DOCK6: variants seen among roughly 807,000 people sequenced by gnomAD.
DOCK6 encodes the protein dedicator of cytokinesis 6.
DOCK6 carries 167 observed loss-of-function variants against 230.3 expected under a neutral mutation model. The ratio of observed to expected loss-of-function variants is 0.73; its 90% confidence interval spans 0.64 to 0.82. DOCK6 has a LOEUF of 0.82. Among genes scored for constraint, DOCK6 ranks in the 40% least tolerant of loss-of-function variants. The pLI is 0.00. For synonymous variants in DOCK6, 1,148 were observed against 1,185.0 expected (o/e 0.97, Z 0.64); for missense variants, 2,598 against 2,825.8 (o/e 0.92, Z 1.83).
Position 11,201,173 on chromosome 19 carries a change from C to T in DOCK6, c.5689-121G>A. On this transcript the variant is annotated intron_variant, in intron 44 of 47. Transcript: ENST00000294618. This position sits in a 1 kb window ranked among gnomAD's most constrained non-coding sequence, Gnocchi z 4.3. The stretch of plus-strand genomic sequence containing the variant: ...GGGGTCCAAGAACCCAGGCAATGAA[C>T]AGAATCTGGGGGCCTTCCTGGGTCT... 7.7e-7 allele frequency: 1 copy of T among 1,303,248 alleles called. No homozygotes were observed. The highest frequency in any genetic ancestry group is 1.1e-6 in the Non-Finnish European group (1 of 945,424). 80.7% of individuals were successfully genotyped at this position (1,303,248 alleles called of 1,614,324 possible).
chr19:11,252,529 C>A lies in DOCK6; in HGVS notation c.330G>T (p.Arg110Ser), dbSNP rs1256640919. Residue 110 changes from arginine to serine, a missense_variant, in exon 4 of 48, where the codon AGG (arginine) becomes AGT (serine). Transcript: ENST00000294618. ...CCTCAATATACATCTCCACCGCGGC[C>A]CTCACCTGGGCATCCAGTTTTCTGC... ...PKDEKLDAQV[R>S]AAVEMYIEDW... The A allele has an allele frequency of 6.2e-7, 1 of 1,613,770 alleles. No homozygotes were observed. Among genetic ancestry groups the A allele is most frequent in the Non-Finnish European group, 8.5e-7 (1 of 1,179,914 alleles).
At chr19:11,244,991 T>C (rs995499837) in intron 9 of DOCK6, among the ~76,000 whole-genome samples, 2 of 152,128 alleles carry the variant, frequency 1.3e-5, no homozygotes, top group African/African-American at 4.8e-5. Context: ...TCAGGGGCTG[T>C]GGGACCCTGG....
chr19:11,241,476 G>A (rs1262850557), intron 14 of DOCK6: 3 of 1,551,754 alleles, frequency 1.9e-6, no homozygotes, highest in East Asian at 2.4e-5. Context: ...CACATCCTAT[G>A]GGCCCTCACA....
At chr19:11,253,602 G>T in intron 2 of DOCK6, 37 bp downstream of exon 2, 1 of 1,281,352 alleles carries the variant, frequency 7.8e-7, no homozygotes, top group Non-Finnish European at 1.0e-6. Flanking sequence ...GTCTGAGAGA[G>T]GGCAGAGGGC....
In DOCK6 at chr19:11,235,617, A is replaced by T. The variant is rs1449628730; in HGVS notation, c.2535T>A (p.Thr845=). Residue 845 remains threonine (T), a synonymous_variant, in exon 21 of 48, where the codon ACT becomes ACA. Coordinates refer to ENST00000294618, the MANE Select transcript of DOCK6 (RefSeq NM_020812.4). ...ACTCACCATCCGGGAGGCTGGGCTCAGTGCCAGGAAGGCGAAAGGCGTAGT... is the reference window on the plus strand; with the variant it reads ...ACTCACCATCCGGGAGGCTGGGCTCTGTGCCAGGAAGGCGAAAGGCGTAGT... ...YVHYAFRLPG[T]EPSLPDGAPP... The T allele has an allele frequency of 6.3e-7, 1 of 1,594,992 alleles. No homozygotes were observed. The highest frequency in any genetic ancestry group is 2.3e-5 in the East Asian group (1 of 44,250).
chr19:11,227,389 A>G lies in DOCK6; in HGVS notation c.2903T>C (p.Ile968Thr), dbSNP rs1400594275. ...LRFPGRFLDD[I>T]TALVGSVGLE... The stretch of plus-strand genomic sequence containing the variant: ...GCCCACAGAGCCCACCAAGGCAGTG[A>G]TGTCGTCCAGGAAGCGTCCGGGGAA... The change falls in exon 24 of 48, where the codon ATC (isoleucine) becomes ACC (threonine). Residue 968 changes from isoleucine (I) to threonine (T), a missense_variant. Physicochemically the swap from Ile to Thr is moderately conservative, Grantham distance 89. Transcript: ENST00000294618. The G allele has an allele frequency of 6.2e-7, 1 of 1,613,848 alleles. No individual in the cohort carries two copies. The highest frequency in any genetic ancestry group is 1.1e-5 in the South Asian group (1 of 91,080).
At chr19:11,254,614 G>T (rs545475639) in intron 1 of DOCK6, among the ~76,000 whole-genome samples, 17 of 151,944 alleles carry the variant, frequency 1.1e-4, no homozygotes, top group African/African-American at 4.1e-4. Context: ...CCCGGGAGGC[G>T]CAGGTTGCAA....
At chr19:11,254,004 G>A in intron 1 of DOCK6, 1 of 346,774 alleles carries the variant, frequency 2.9e-6, no homozygotes, top group Non-Finnish European at 5.2e-6. Flanking sequence ...GGCCTTCCAG[G>A]TCTGGAGGGA....
intron 1 of DOCK6, among the ~76,000 whole-genome samples, chr19:11,260,334 A>T (rs1002467001): frequency 2.0e-5 from 3 of 152,038 alleles, no homozygotes; most frequent in Non-Finnish European, 2.9e-5. Context: ...TAATCCCAGC[A>T]TTTGGGAGGC....
At chr19:11,206,061 C>G (rs1371728693) in intron 39 of DOCK6, 2 of 152,152 alleles carry the variant, frequency 1.3e-5, no homozygotes, top group Non-Finnish European at 2.9e-5. Flanking sequence ...TCACTGAGCT[C>G]TCAAATGTAA....
chr19:11,250,813 G>GGCATAC, intron 6 of DOCK6, 61 bp downstream of exon 6: 1 of 1,494,102 alleles, frequency 6.7e-7, no homozygotes, highest in Admixed American at 1.8e-5. Flanking sequence ...GAATAAACAT[G>GGCATAC]AAGTATACAA....
rs139902327 is a variant in DOCK6 at position 11,217,231 on chromosome 19, C to T, written c.3711G>A (p.Thr1237=). Residue 1237 remains threonine, a splice_region_variant and synonymous_variant, in exon 29 of 48, where the codon ACG becomes ACA. Transcript: ENST00000294618. ...SRASISQGPP[T]ASRAGCALSA... ...TATGGGGACAAGCCTCCCTACTCAC[C>T]GTTGGTGGCCCCTGGGAGATGCTGG... The T allele has an allele frequency of 2.5e-5, 41 of 1,611,918 alleles. No homozygotes were observed. The highest frequency in any genetic ancestry group is 5.0e-5 in the Admixed American group (3 of 59,854).
chr19:11,223,773 A>G (rs2079618852), intron 24 of DOCK6, among the ~76,000 whole-genome samples: 1 of 152,012 alleles, frequency 6.6e-6, no homozygotes, highest in Non-Finnish European at 1.5e-5. Flanking sequence ...CAGCTTCCCC[A>G]GTAGCTTGGA....
At chr19:11,256,640 T>C (rs1291974296) in intron 1 of DOCK6, among the ~76,000 whole-genome samples, 2 of 152,190 alleles carry the variant, frequency 1.3e-5, no homozygotes, top group Non-Finnish European at 2.9e-5. Flanking sequence ...GCAGCTGGGA[T>C]TTCTGACCCT....
intron 39 of DOCK6, chr19:11,206,297 G>A (rs1280042512): frequency 1.3e-5 from 2 of 152,062 alleles, no homozygotes; most frequent in Admixed American, 6.6e-5. Context: ...GCTCACGCCT[G>A]TAATCCCAGC....
At chr19:11,220,058 A>C (rs1423897836) in intron 28 of DOCK6, among the ~76,000 whole-genome samples, 1 of 151,758 alleles carries the variant, frequency 6.6e-6, no homozygotes, top group Non-Finnish European at 1.5e-5. Context: ...GGTTCAAGCG[A>C]TACTCCTGCC....
chr19:11,233,478 G>A, intron 21 of DOCK6, 112 bp from the exon 22 acceptor site: 1 of 1,339,568 alleles, frequency 7.5e-7, no homozygotes, highest in Non-Finnish European at 1.0e-6. Context: ...GAGCCTCTAA[G>A]TTCCTCATCT....
intron 34 of DOCK6, among the ~76,000 whole-genome samples, chr19:11,213,603 A>T (rs2079429872): frequency 6.6e-6 from 1 of 150,846 alleles, no homozygotes; most frequent in Non-Finnish European, 1.5e-5. Flanking sequence ...GTGCTCAATG[A>T]ATGAGCTCCT....
At chr19:11,230,652 A>G (rs1047851308) in intron 22 of DOCK6, among the ~76,000 whole-genome samples, 1 of 152,134 alleles carries the variant, frequency 6.6e-6, no homozygotes, top group African/African-American at 2.4e-5. Context: ...GAGTGTGGAC[A>G]GAGGAGGTTA....
Sources: gnomAD v4.1 joint callset for allele counts (sites outside exome capture counted in the v4.1 genomes callset) on GRCh38, gnomAD v4.1.1 for gene constraint, Gnocchi (gnomAD v3.1) non-coding constraint, MANE v1.5 for transcripts, NCBI Gene and HGNC (gene_info 2026-07-23, HGNC 2026-07-21) for gene names.